The following DDX24 variants were observed in gnomAD, a reference collection of about 807,000 sequenced individuals.
DDX24 encodes the protein ATP-dependent RNA helicase DDX24.
DDX24 carries 24 observed loss-of-function variants against 68.9 expected under a neutral mutation model. The observed-to-expected ratio is 0.35, with a 90% CI of 0.25 to 0.49. The LOEUF (loss-of-function observed/expected upper bound fraction) is 0.49. Ranked by LOEUF, DDX24 falls within the 20% of genes least tolerant of loss-of-function variation. The probability of loss-of-function intolerance (pLI) is 0.99; values close to 1 mark genes in which losing one functional copy is unlikely to be tolerated. For missense variants in DDX24, 989 were observed against 1,039.0 expected, an observed-to-expected ratio of 0.95 and a Z score of 0.66; for synonymous variants, 395 against 385.2, an observed-to-expected ratio of 1.03 and a Z score of -0.30.
chr14:94,080,509 G>A (rs991433735), intron 1 of DDX24, among the ~76,000 whole-genome samples: 1 of 152,066 alleles, frequency 6.6e-6, no homozygotes, highest in African/African-American at 2.4e-5. Flanking sequence ...CTCTGCGGTG[G>A]ACGTATTAAT....
intron 7 of DDX24, among the ~76,000 whole-genome samples, chr14:94,054,184 T>C (rs555699857): frequency 2.6e-5 from 4 of 152,358 alleles, no homozygotes; most frequent in South Asian, 4.1e-4. Flanking sequence ...GATCTTGTGA[T>C]GTGGGGAAAG....
intron 4 of DDX24, 29 bp from the exon 5 acceptor site, chr14:94,060,642 G>A: frequency 1.2e-6 from 2 of 1,601,710 alleles, no homozygotes; most frequent in Non-Finnish European, 1.7e-6. Context: ...CCATATCATT[G>A]GTCAGCAGCG....
intron 2 of DDX24, among the ~76,000 whole-genome samples, chr14:94,063,915 A>G (rs1363886437): frequency 6.6e-6 from 1 of 152,234 alleles, no homozygotes; most frequent in Non-Finnish European, 1.5e-5. Flanking sequence ...AAAACAAACA[A>G]AAAAACAAAA....
At position 94,061,039 on chromosome 14, in the gene DDX24, C is replaced by T; in HGVS notation, c.1271G>A (p.Gly424Glu). Residue 424 changes from glycine to glutamate, a missense_variant, in exon 4 of 9, where the codon GGA (glycine) becomes GAA (glutamate). By Grantham distance (98) the Gly-to-Glu change is moderately conservative. This residue lies in a region of DDX24 where 691 missense variants were observed against 760.0 expected (regional missense o/e 0.91). Transcript: ENST00000621632. ...CCTCTGCTGTTTCTGCGTGGACATT[C>T]CACCAACCAAAATAGCAGTTTTAAT... ...TGIKTAILVG[G>E]MSTQKQQRML... is the part of the protein sequence containing the mutation. The T allele has an allele frequency of 1.2e-6, 2 of 1,614,208 alleles. No homozygotes were observed. The highest frequency in any genetic ancestry group is 1.7e-6 in the Non-Finnish European group (2 of 1,180,036).
Position 94,062,630 on chromosome 14 carries a change from T to TA in DDX24, c.719-10dup, listed in dbSNP as rs747611879. The TA allele has an allele frequency of 1.2e-5, 19 of 1,571,552 alleles. No homozygotes were observed. The highest frequency in any genetic ancestry group is 1.5e-5 in the Non-Finnish European group (17 of 1,162,302). ...AAGAGTTTTCCCACTTCCTTAAAAG[T>TA]AAAAAAACAAAACAAAGTAAAAACA... On this transcript the variant is annotated splice_polypyrimidine_tract_variant and intron_variant, in intron 2 of 8. Transcript: ENST00000621632.
intron 3 of DDX24, 78 bp downstream of exon 3, chr14:94,062,019 G>A (rs2141426817): frequency 7.6e-6 from 11 of 1,447,832 alleles, no homozygotes; most frequent in Non-Finnish European, 8.3e-6. Context: ...GAGGGCAGGA[G>A]CCACAGCTCA....
At position 94,062,317 on chromosome 14, in the gene DDX24, A is replaced by T; in HGVS notation, c.1023T>A (p.Pro341=). The change falls in exon 3 of 9, where the codon CCT becomes CCA. Residue 341 remains proline, a synonymous_variant. Transcript: ENST00000621632. The part of the protein sequence containing the change: ...LFGDDDAGEG[P]SSLIREKPVP... ...CAGGTTTCTCCCTGATCAGGGAAGA[A>T]GGCCCTTCACCAGCATCATCGTCAC... is the stretch of plus-strand genomic sequence containing the variant. The T allele has an allele frequency of 6.2e-7, 1 of 1,614,242 alleles. No homozygotes were observed. Among genetic ancestry groups the T allele is most frequent in the Admixed American group, 1.7e-5 (1 of 60,028 alleles).
At chr14:94,064,120 A>T (rs1885650212) in intron 2 of DDX24, among the ~76,000 whole-genome samples, 1 of 152,222 alleles carries the variant, frequency 6.6e-6, no homozygotes. Flanking sequence ...AACTATAATA[A>T]AAGATATATA....
intron 2 of DDX24, among the ~76,000 whole-genome samples, chr14:94,064,255 G>C (rs947892771): frequency 2.0e-5 from 3 of 152,216 alleles, no homozygotes; most frequent in African/African-American, 7.2e-5. Flanking sequence ...TCTTGACACA[G>C]AGCTTCTAAG....
rs900320958 is a variant in DDX24 at position 94,060,543 on chromosome 14, C to G, written c.1468G>C (p.Glu490Gln). 2 of 1,614,062 alleles carry G rather than the reference C, an allele frequency of 1.2e-6. No individual in the cohort carries two copies. The highest frequency in any genetic ancestry group is 2.7e-5 in the African/African-American group (2 of 74,904). ...TTGTATTGGGAGTCATTGAGCATCT[C>G]TAGCAGCTGTGAGAGCTCAGCAAAA... ...GHFAELSQLL[E>Q]MLNDSQYNPK... Residue 490 changes from glutamate to glutamine, a missense_variant, in exon 5 of 9, where the codon GAG becomes CAG. Coordinates refer to ENST00000621632, the MANE Select transcript of DDX24 (RefSeq NM_020414.4).
chr14:94,064,475 C>T (rs1885659592), intron 2 of DDX24, among the ~76,000 whole-genome samples: 1 of 152,222 alleles, frequency 6.6e-6, no homozygotes, highest in Admixed American at 6.5e-5. Context: ...CCCCACCAAC[C>T]TCCAGGGAGG....
rs200686543 is a variant in DDX24, at chr14:94,061,005, G to C, written c.1305C>G (p.Asn435Lys). ...TAGCAACCACAATCTCAGGACGACG[G>C]TTCAGCATCCTCTGCTGTTTCTGCG... ...MSTQKQQRML[N>K]RRPEIVVATP... is the part of the protein sequence containing the mutation. Residue 435 changes from asparagine to lysine, a missense_variant, in exon 4 of 9, where the codon AAC becomes AAG. Around this residue, in one of 3 missense-constraint regions of DDX24, gnomAD observed 691 missense variants for 760.0 expected, o/e 0.91. Coordinates refer to ENST00000621632, the MANE Select transcript of DDX24 (RefSeq NM_020414.4). The C allele has an allele frequency of 1.2e-6, 2 of 1,614,182 alleles. No homozygotes were observed. The highest frequency in any genetic ancestry group is 1.7e-5 in the Admixed American group (1 of 60,016).
rs367754954 is a variant in DDX24, at chr14:94,079,396, T to C, written c.347A>G (p.Lys116Arg). ...NVATEGTSTQ[K>R]EFEVKDPELE... is the part of the protein sequence containing the mutation. ...CTCAGGATCTTTCACTTCAAATTCT[T>C]TCTGGGTACTGGTTCCTTCAGTTGC... is the stretch of plus-strand genomic sequence containing the variant. The change falls in exon 2 of 9, where the codon AAA (lysine) becomes AGA (arginine). Residue 116 changes from lysine to arginine, a missense_variant. Transcript: ENST00000621632. 42 of 1,613,962 alleles carry C rather than the reference T, an allele frequency of 2.6e-5. No individual in the cohort carries two copies. In the African/African-American group the frequency reaches 5.3e-4, roughly 21 times the overall value.
intron 2 of DDX24, among the ~76,000 whole-genome samples, chr14:94,076,680 C>CAAAAAACA (rs1885947316): frequency 1.0e-5 from 1 of 100,192 alleles, no homozygotes; most frequent in Non-Finnish European, 2.1e-5. Flanking sequence ...GACTCCGTCT[C>CAAAAAACA]AAAAAAAAAA....
In DDX24 at chr14:94,051,218, C is replaced by T; in HGVS notation, c.2553G>A (p.Gln851=). ...TKKPKEPQPE[Q]PQPSTSAN ...AATTTGCACTTGTACTTGGCTGTGGCTGTTCCGGCTGTGGCTCCTTCGGCT... is the reference window on the plus strand; with the variant it reads ...AATTTGCACTTGTACTTGGCTGTGGTTGTTCCGGCTGTGGCTCCTTCGGCT... Residue 851 remains glutamine (Q), a synonymous_variant, in exon 9 of 9, where the codon CAG becomes CAA. Coordinates refer to ENST00000621632, the MANE Select transcript of DDX24 (RefSeq NM_020414.4). 6.3e-7 allele frequency: 1 copy of T among 1,575,220 alleles called. No homozygotes were observed. The highest frequency in any genetic ancestry group is 1.2e-5 in the South Asian group (1 of 84,898).
rs1315961652 is a variant in DDX24, at chr14:94,062,526, C to T, written c.814G>A (p.Ala272Thr). The T allele has an allele frequency of 1.9e-6, 3 of 1,614,144 alleles. No homozygotes were observed. The highest frequency in any genetic ancestry group is 2.5e-6 in the Non-Finnish European group (3 of 1,180,040). Reference protein sequence around the residue: ...NAAPPPSNTEAPPGETRTEAG... With the variant: ...NAAPPPSNTETPPGETRTEAG... Reference sequence around the variant, plus strand: ...TCAGTTCTGGTCTCTCCAGGTGGTGCTTCGGTGTTACTTGGAGGAGGGGCA... The same window carrying T: ...TCAGTTCTGGTCTCTCCAGGTGGTGTTTCGGTGTTACTTGGAGGAGGGGCA... Residue 272 changes from alanine (A) to threonine (T), a missense_variant, in exon 3 of 9, where the codon GCA becomes ACA. Coordinates refer to ENST00000621632, the MANE Select transcript of DDX24 (RefSeq NM_020414.4).
chr14:94,052,381 G>A (rs1029488056), intron 8 of DDX24, among the ~76,000 whole-genome samples: 2 of 152,220 alleles, frequency 1.3e-5, no homozygotes, highest in South Asian at 2.1e-4. Context: ...TGCCTCTGCT[G>A]TGGTATCTAG....
At chr14:94,068,046 C>T (rs1484309034) in intron 2 of DDX24, among the ~76,000 whole-genome samples, 1 of 152,138 alleles carries the variant, frequency 6.6e-6, no homozygotes, top group Non-Finnish European at 1.5e-5. Flanking sequence ...CTAAATGCTC[C>T]ACTTAAAAGA....
chr14:94,062,070 T>C (rs1885607422), intron 3 of DDX24, 27 bp downstream of exon 3: 1 of 1,568,830 alleles, frequency 6.4e-7, no homozygotes, highest in Admixed American at 1.9e-5. Flanking sequence ...ACCTAGAAAA[T>C]ATTTATTAAA....
Sources: gnomAD v4.1 joint callset for allele counts (sites outside exome capture counted in the v4.1 genomes callset) on GRCh38, gnomAD v4.1.1 for gene constraint, gnomAD v4.1.1 regional missense constraint, MANE v1.5 for transcripts, NCBI Gene and HGNC (gene_info 2026-07-23, HGNC 2026-07-21) for gene names.